CAP2: variants seen among roughly 807,000 people sequenced by gnomAD.
The protein encoded by CAP2 is cyclase associated actin cytoskeleton regulatory protein 2, also known as adenylyl cyclase-associated protein 2.
A neutral mutation model predicts 57.7 loss-of-function variants in CAP2; 24 were observed. The ratio of observed to expected loss-of-function variants is 0.42; its 90% confidence interval spans 0.30 to 0.58. The LOEUF (loss-of-function observed/expected upper bound fraction) is 0.58. Ranked by LOEUF, CAP2 falls within the 20% of genes least tolerant of loss-of-function variation. The pLI, the probability that CAP2 is intolerant of heterozygous loss-of-function variation, is 0.22. For missense variants in CAP2, 501 were observed against 590.3 expected (o/e 0.85, Z 1.57); for synonymous variants, 194 against 207.2 (o/e 0.94, Z 0.55).
chr6:17,545,007 C>CT (rs1355170237), intron 11 of CAP2, among the ~76,000 whole-genome samples: 6 of 152,192 alleles, frequency 3.9e-5, no homozygotes, highest in African/African-American at 1.4e-4. Context: ...CCTAATGAGA[C>CT]CACACTTTCT....
chr6:17,432,420 G>A (rs1202148989), intron 3 of CAP2, among the ~76,000 whole-genome samples: 3 of 152,066 alleles, frequency 2.0e-5, no homozygotes, highest in Admixed American at 1.3e-4. Context: ...CAGCCAACTT[G>A]CTCTTCCCAT....
At chr6:17,494,964 C>G (rs531242870) in intron 4 of CAP2, among the ~76,000 whole-genome samples, 5 of 152,116 alleles carry the variant, frequency 3.3e-5, no homozygotes, top group African/African-American at 1.2e-4. Context: ...CCTTTGGACT[C>G]GAATTGAAAG....
intron 4 of CAP2, among the ~76,000 whole-genome samples, chr6:17,480,456 A>G (rs954305376): frequency 3.9e-5 from 6 of 152,200 alleles, no homozygotes; most frequent in African/African-American, 1.4e-4. Context: ...TCAAAGGCCA[A>G]CGAGGGCAAA....
At position 17,541,106 on chromosome 6, in the gene CAP2, A is replaced by G. The variant is rs1762887995; in HGVS notation, c.960A>G (p.Lys320=). 1 of 1,613,988 alleles carries G rather than the reference A, an allele frequency of 6.2e-7. No homozygotes were observed. The highest frequency in any genetic ancestry group is 1.7e-4 in the Middle Eastern group (1 of 6,058). Residue 320 remains lysine (K), a synonymous_variant, in exon 9 of 13, where the codon AAA becomes AAG. Coordinates refer to ENST00000229922, the MANE Select transcript of CAP2 (RefSeq NM_006366.3). ...CTCCTAAATCTTATCCTTCTCAAAAACATGCCCCAGTGTTGGAGTTGGAAG... is the reference window on the plus strand; with the variant it reads ...CTCCTAAATCTTATCCTTCTCAAAAGCATGCCCCAGTGTTGGAGTTGGAAG... ...PTSPKSYPSQ[K]HAPVLELEGK... is the part of the protein sequence containing the mutation.
At chr6:17,501,637 T>A (rs747939367) in intron 4 of CAP2, among the ~76,000 whole-genome samples, 3 of 152,206 alleles carry the variant, frequency 2.0e-5, no homozygotes, top group South Asian at 4.1e-4. Context: ...ACAGCCTGAG[T>A]GGGAATCTGG....
At chr6:17,548,282 G>A (rs575477146) in intron 11 of CAP2, among the ~76,000 whole-genome samples, 14 of 151,760 alleles carry the variant, frequency 9.2e-5, no homozygotes, top group South Asian at 4.2e-4. Context: ...CCGGAGAATC[G>A]CTTGAACCTG....
intron 3 of CAP2, among the ~76,000 whole-genome samples, chr6:17,444,000 A>G (rs1312471129): frequency 6.6e-6 from 1 of 152,222 alleles, no homozygotes; most frequent in Non-Finnish European, 1.5e-5. Context: ...CCCTTTTAAA[A>G]AAATATTTTA....
At chr6:17,540,385 G>A (rs570133032) in intron 8 of CAP2, among the ~76,000 whole-genome samples, 2 of 151,912 alleles carry the variant, frequency 1.3e-5, no homozygotes, top group East Asian at 3.9e-4. Flanking sequence ...TCGTGAGGTG[G>A]TTTGCTCTTT....
chr6:17,499,688 A>T (rs1360665197), intron 4 of CAP2, among the ~76,000 whole-genome samples: 1 of 151,862 alleles, frequency 6.6e-6, no homozygotes, highest in Non-Finnish European at 1.5e-5. Context: ...CAGTCTCCTC[A>T]AAAAATCAAA....
intron 3 of CAP2, among the ~76,000 whole-genome samples, chr6:17,440,331 G>GCTGGGACTACAGGTGCACACCACCACGCT (rs1760034019): frequency 6.6e-6 from 1 of 151,538 alleles, no homozygotes; most frequent in African/African-American, 2.4e-5. Flanking sequence ...ATATGTGAAA[G>GCTGGGACTACAGGTGCACACCACCACGCT]CTGCTGATTT....
intron 4 of CAP2, among the ~76,000 whole-genome samples, chr6:17,482,334 C>T (rs933337635): frequency 2.6e-5 from 4 of 151,904 alleles, no homozygotes; most frequent in Non-Finnish European, 4.4e-5. Context: ...ATGGTGAAAC[C>T]CCGTCTCTAC....
chr6:17,521,692 T>C (rs1455821582), intron 7 of CAP2, among the ~76,000 whole-genome samples: 4 of 152,158 alleles, frequency 2.6e-5, no homozygotes, highest in African/African-American at 7.2e-5. Flanking sequence ...GGGGGAGCAG[T>C]GTGCTAGGGA....
chr6:17,531,811 C>T (rs1477903370), intron 7 of CAP2, among the ~76,000 whole-genome samples: 4 of 152,248 alleles, frequency 2.6e-5, no homozygotes, highest in East Asian at 1.9e-4. Context: ...TCACCCAGAC[C>T]GTCCTGAGGA....
chr6:17,413,402 G>A (rs1030920159), intron 1 of CAP2, among the ~76,000 whole-genome samples: 8 of 152,096 alleles, frequency 5.3e-5, no homozygotes, highest in African/African-American at 1.9e-4. Flanking sequence ...ATACGAAGGC[G>A]GGCACCTTGG....
intron 4 of CAP2, among the ~76,000 whole-genome samples, chr6:17,491,795 CA>C (rs1485866092): frequency 5.9e-5 from 9 of 152,256 alleles, no homozygotes; most frequent in African/African-American, 1.9e-4. Context: ...ATGTTTCCAC[CA>C]AAGTTTTATG....
chr6:17,419,490 A>G (rs544761646), intron 1 of CAP2, among the ~76,000 whole-genome samples: 1 of 152,352 alleles, frequency 6.6e-6, no homozygotes, highest in Non-Finnish European at 1.5e-5. Flanking sequence ...GCCGGGGTTA[A>G]GGTGGCTATA....
intron 4 of CAP2, among the ~76,000 whole-genome samples, chr6:17,475,606 T>C (rs1165130219): frequency 6.6e-6 from 1 of 152,198 alleles, no homozygotes; most frequent in Non-Finnish European, 1.5e-5. Flanking sequence ...CAGATGTCGC[T>C]CAAGCCTTCA....
intron 4 of CAP2, among the ~76,000 whole-genome samples, chr6:17,477,412 A>C (rs1298168312): frequency 6.6e-6 from 1 of 152,218 alleles, no homozygotes; most frequent in Non-Finnish European, 1.5e-5. Context: ...ATCTGTGTCC[A>C]GTGCTCATAA....
chr6:17,556,685 G>T lies in CAP2; in HGVS notation c.*243G>T. 2.2e-6 allele frequency: 1 copy of T among 464,262 alleles called. No individual in the cohort carries two copies. Among genetic ancestry groups the T allele is most frequent in the Non-Finnish European group, 3.8e-6 (1 of 261,364 alleles). The allele number at this position is 464,262 out of a possible 1,614,324, so 28.8% of individuals were successfully genotyped here. The stretch of plus-strand genomic sequence containing the variant: ...CCACATGATGACTTGTGAACATTAG[G>T]GATTTAAAGGAAAAAAAAAAAGAAT... On this transcript the variant is annotated 3_prime_UTR_variant, in exon 13 of 13. Transcript: ENST00000229922.
Sources: gnomAD v4.1 joint callset for allele counts (sites outside exome capture counted in the v4.1 genomes callset) on GRCh38, gnomAD v4.1.1 for gene constraint, MANE v1.5 for transcripts, NCBI Gene and HGNC (gene_info 2026-07-23, HGNC 2026-07-21) for gene names.